The following KCTD3 variants were observed in gnomAD, a reference collection of about 807,000 sequenced individuals.
The protein encoded by KCTD3 is BTB/POZ domain-containing protein KCTD3.
A neutral mutation model predicts 85.8 loss-of-function variants in KCTD3; 41 were observed. The observed-to-expected ratio is 0.48, with a 90% CI of 0.37 to 0.62. KCTD3 has a LOEUF of 0.62. KCTD3 is among the 20% of genes least tolerant of loss of function. KCTD3 has a pLI of 0.00. For synonymous variants in KCTD3, 338 were observed against 345.4 expected, an observed-to-expected ratio of 0.98 and a Z score of 0.24; for missense variants, 724 against 989.9, an observed-to-expected ratio of 0.73 and a Z score of 3.60.
rs2797391 is a variant in KCTD3, at chr1:215,571,606, A to G, written c.84-2180A>G. Among the ~76,000 whole-genome samples, 1,465 of 151,698 alleles carry G rather than the reference A, an allele frequency of 9.7e-3. 36 individuals carry two copies. Among genetic ancestry groups the G allele is most frequent in the African/African-American group, 0.033 (1,378 of 41,412 alleles). On this transcript the variant is annotated intron_variant, in intron 1 of 17. Coordinates refer to ENST00000259154, the MANE Select transcript of KCTD3 (RefSeq NM_016121.5). ...TTTTCCTTACAAATTGTAAAGTTGT[A>G]TGTGGGAAGAAGTGGAGATAAACTT...
At chr1:215,581,453 T>G (rs1412076004) in intron 8 of KCTD3, among the ~76,000 whole-genome samples, 1 of 152,188 alleles carries the variant, frequency 6.6e-6, no homozygotes. Flanking sequence ...TTGTAGACCC[T>G]TGTTTACATA....
chr1:215,621,032 G>A lies in KCTD3; in HGVS notation c.*414G>A, dbSNP rs57075344. The A allele has an allele frequency of 1.4e-4, 24 of 174,784 alleles. 1 individual carries two copies. The East Asian group carries it at 3.7e-3, about 27-fold the overall frequency. 10.8% of individuals were successfully genotyped at this position (174,784 alleles called of 1,614,324 possible). A position where few individuals can be genotyped will look rare whatever the true frequency, so the allele number is the denominator to read the frequency against. On this transcript the variant is annotated 3_prime_UTR_variant, in exon 18 of 18. Coordinates refer to ENST00000259154, the MANE Select transcript of KCTD3 (RefSeq NM_016121.5). Reference sequence around the variant, plus strand: ...TTACCTTTAAGTGAATCACATAATTGTCTTTGGAACTTGGTCTCCCAACAC... The same window carrying A: ...TTACCTTTAAGTGAATCACATAATTATCTTTGGAACTTGGTCTCCCAACAC...
intron 3 of KCTD3, 147 bp downstream of exon 3, chr1:215,574,265 A>G: frequency 2.1e-6 from 1 of 486,154 alleles, no homozygotes; most frequent in East Asian, 3.1e-5. Context: ...TGTCATATGT[A>G]GTTTTTTATA....
Position 215,573,849 on chromosome 1 carries a change from A to G in KCTD3, c.137+10A>G. On this transcript the variant is annotated intron_variant, in intron 2 of 17. Transcript: ENST00000259154. ...ATTCTTTTTTTTCCAGGTATGTCTT[A>G]TAATTCTTTAGTGTATATTTTAATA... 2.0e-6 allele frequency: 3 copies of G among 1,484,960 alleles called. No individual in the cohort carries two copies. Among genetic ancestry groups the G allele is most frequent in the Non-Finnish European group, 2.8e-6 (3 of 1,071,284 alleles). 92.0% of individuals were successfully genotyped at this position (1,484,960 alleles called of 1,614,324 possible).
Position 215,620,543 on chromosome 1 carries a change from C to T in KCTD3, c.2373C>T (p.Ser791=), listed in dbSNP as rs1655636438. ...DGGTDSPGTA[S]PSPTKTTPSP... Reference sequence around the variant, plus strand: ...GAACTGACTCACCTGGTACTGCGTCCCCATCTCCTACAAAGACTACTCCAT... The same window carrying T: ...GAACTGACTCACCTGGTACTGCGTCTCCATCTCCTACAAAGACTACTCCAT... Residue 791 remains serine, a synonymous_variant, in exon 18 of 18, where the codon TCC becomes TCT. Coordinates refer to ENST00000259154, the MANE Select transcript of KCTD3 (RefSeq NM_016121.5). The T allele has an allele frequency of 6.2e-7, 1 of 1,613,674 alleles. No homozygotes were observed. Among genetic ancestry groups the T allele is most frequent in the South Asian group, 1.1e-5 (1 of 91,048 alleles).
Position 215,583,864 on chromosome 1 carries a change from C to A in KCTD3, c.627-2631C>A, listed in dbSNP as rs182328899. On this transcript the variant is annotated intron_variant, in intron 8 of 17. Transcript: ENST00000259154. ...TCTGATTTCTGACAAAAAGTGATGA[C>A]TGAAAAATTAATAAGTGTTCGATTT... 6.0e-4 allele frequency among the ~76,000 whole-genome samples: 92 copies of A among 152,208 alleles called. No homozygotes were observed. In the East Asian group the frequency reaches 0.017, roughly 28 times the overall value.
intron 13 of KCTD3, among the ~76,000 whole-genome samples, chr1:215,606,383 G>A (rs1313468986): frequency 2.0e-5 from 3 of 151,958 alleles, no homozygotes; most frequent in Non-Finnish European, 4.4e-5. Context: ...TTATTTGCTT[G>A]TTTATTATCT....
At chr1:215,613,429 T>G (rs994644945) in intron 15 of KCTD3, among the ~76,000 whole-genome samples, 1 of 152,214 alleles carries the variant, frequency 6.6e-6, no homozygotes. Flanking sequence ...TTTGCAGATA[T>G]TTTCTCCTAT....
chr1:215,604,948 TAAA>T (rs1259758599), intron 13 of KCTD3, among the ~76,000 whole-genome samples: 3 of 152,160 alleles, frequency 2.0e-5, no homozygotes, highest in Admixed American at 6.5e-5. Flanking sequence ...ATTGGATACA[TAAA>T]AAATTAAATA....
rs1038200978 is a variant in KCTD3, at chr1:215,578,136, C to T, written c.397+55C>T. ...AATTCCTTGTATCATTAAGCAAGTACAAGCATATGAATAGGAAAAACTGCT... is the reference window on the plus strand; with the variant it reads ...AATTCCTTGTATCATTAAGCAAGTATAAGCATATGAATAGGAAAAACTGCT... On this transcript the variant is annotated intron_variant, in intron 6 of 17. Coordinates refer to ENST00000259154, the MANE Select transcript of KCTD3 (RefSeq NM_016121.5). 1.1e-5 allele frequency: 16 copies of T among 1,447,580 alleles called. No individual in the cohort carries two copies. In the African/African-American group the frequency reaches 2.1e-4, roughly 19 times the overall value. 89.7% of individuals were successfully genotyped at this position (1,447,580 alleles called of 1,614,324 possible).
chr1:215,580,292 G>A (rs1659769571), intron 8 of KCTD3, among the ~76,000 whole-genome samples: 1 of 152,140 alleles, frequency 6.6e-6, no homozygotes, highest in South Asian at 2.1e-4. Flanking sequence ...CCTAGCTTCT[G>A]AGACTGTAGT....
chr1:215,581,670 G>A (rs1293747529), intron 8 of KCTD3, among the ~76,000 whole-genome samples: 4 of 152,128 alleles, frequency 2.6e-5, no homozygotes, highest in Admixed American at 6.5e-5. Context: ...CAGTCTTTGC[G>A]TTTGCATTGA....
intron 7 of KCTD3, among the ~76,000 whole-genome samples, chr1:215,579,499 ATT>A (rs780828089): frequency 1.3e-4 from 18 of 137,960 alleles, no homozygotes; most frequent in Non-Finnish European, 1.4e-4. Context: ...TAACAAAACT[ATT>A]TTTTTTTTTT....
At chr1:215,600,991 G>A (rs943644638) in intron 10 of KCTD3, among the ~76,000 whole-genome samples, 2 of 151,246 alleles carry the variant, frequency 1.3e-5, no homozygotes, top group African/African-American at 4.9e-5. Context: ...AGGCTGGAGT[G>A]CAGTGGCACA....
intron 9 of KCTD3, among the ~76,000 whole-genome samples, chr1:215,591,891 A>G (rs1660241418): frequency 6.6e-6 from 1 of 152,172 alleles, no homozygotes; most frequent in Admixed American, 6.5e-5. Context: ...GACATACTCA[A>G]AACTGGGAAA....
chr1:215,578,170 A>G, intron 6 of KCTD3, 89 bp downstream of exon 6: 1 of 1,036,170 alleles, frequency 9.7e-7, no homozygotes. Context: ...CTCCTTGATT[A>G]TTGAGTTTTT....
At chr1:215,586,041 G>C (rs1342645550) in intron 8 of KCTD3, among the ~76,000 whole-genome samples, 1 of 152,110 alleles carries the variant, frequency 6.6e-6, no homozygotes, top group East Asian at 1.9e-4. Context: ...AATAAACCCT[G>C]AAAAGCTGAT....
chr1:215,578,442 A>G (rs1008983520), intron 6 of KCTD3, among the ~76,000 whole-genome samples: 1 of 152,142 alleles, frequency 6.6e-6, no homozygotes, highest in African/African-American at 2.4e-5. Context: ...TTGCTGACCC[A>G]TATGTTAGAG....
chr1:215,619,150 A>G lies in KCTD3; in HGVS notation c.1748-3A>G, dbSNP rs373298761. On this transcript the variant is annotated splice_polypyrimidine_tract_variant and splice_region_variant and intron_variant, in intron 16 of 17. Coordinates refer to ENST00000259154, the MANE Select transcript of KCTD3 (RefSeq NM_016121.5). The stretch of plus-strand genomic sequence containing the variant: ...GATTTTAATGACTATTTGTTCTCCT[A>G]AGATGTAGGTGGTCCAACCGAAGAA... 171 of 1,612,958 alleles carry G rather than the reference A, an allele frequency of 1.1e-4. No homozygotes were observed. The Middle Eastern group carries it at 2.1e-3, about 20-fold the overall frequency.
Sources: allele counts gnomAD v4.1 joint callset (sites outside exome capture counted in the v4.1 genomes callset), GRCh38; gene constraint gnomAD v4.1.1; transcripts MANE v1.5; gene names NCBI Gene and HGNC (gene_info 2026-07-23, HGNC 2026-07-21).